The following COL25A1 variants were observed in gnomAD, a reference collection of about 807,000 sequenced individuals.
The protein encoded by COL25A1 is collagen type XXV alpha 1 chain.
COL25A1 carries 103 observed loss-of-function variants against 128.4 expected under a neutral mutation model. That is an observed-to-expected ratio of 0.80 (90% CI 0.68 to 0.94). COL25A1 has a LOEUF of 0.94. COL25A1 is among the 40% of genes least tolerant of loss of function. The pLI is 0.00. For missense variants in COL25A1, 745 were observed against 840.0 expected (o/e 0.89, Z 1.40); for synonymous variants, 279 against 277.2 (o/e 1.01, Z -0.06).
At position 108,845,175 on chromosome 4, in the gene COL25A1, C is replaced by T. The variant is rs1195881818; in HGVS notation, c.1578+14G>A. ...GGTTCAGGAACAATGGAAGTTCAGCCACCATGGACTTACAGAAGGACCCTG... is the reference window on the plus strand; with the variant it reads ...GGTTCAGGAACAATGGAAGTTCAGCTACCATGGACTTACAGAAGGACCCTG... On this transcript the variant is annotated intron_variant, in intron 29 of 37. Transcript: ENST00000399132. The T allele has an allele frequency of 7.5e-6, 12 of 1,610,328 alleles. No individual in the cohort carries two copies. The highest frequency in any genetic ancestry group is 1.3e-5 in the African/African-American group (1 of 74,844).
chr4:108,900,692 T>C (rs767667403), intron 14 of COL25A1, among the ~76,000 whole-genome samples: 40 of 152,138 alleles, frequency 2.6e-4, no homozygotes, highest in African/African-American at 7.7e-4. Flanking sequence ...ACTGGTTATG[T>C]TGTGTAAGAG....
chr4:109,039,887 C>G lies in COL25A1; in HGVS notation c.420+8281G>C, dbSNP rs527412785. On this transcript the variant is annotated intron_variant, in intron 5 of 37. Transcript: ENST00000399132. The stretch of plus-strand genomic sequence containing the variant: ...ATCCTTTTTTCTTTCCTTGACCATA[C>G]AGAAATACCTTCCTTCAAAATTAAG... 2.6e-5 allele frequency among the ~76,000 whole-genome samples: 4 copies of G among 152,202 alleles called. No individual in the cohort carries two copies. In the East Asian group the frequency reaches 7.7e-4, roughly 29 times the overall value.
chr4:108,884,112 C>T (rs1578652610), intron 19 of COL25A1, 66 bp downstream of exon 19: 2 of 1,494,086 alleles, frequency 1.3e-6, no homozygotes, highest in East Asian at 2.3e-5. Context: ...TCCCTATTTT[C>T]CTCCAATTTG....
chr4:109,117,190 G>C (rs1353580436), intron 3 of COL25A1, among the ~76,000 whole-genome samples: 1 of 151,808 alleles, frequency 6.6e-6, no homozygotes, highest in East Asian at 1.9e-4. Context: ...CTACACCTAG[G>C]TATACATATC....
chr4:108,942,088 A>G (rs1204342293), intron 8 of COL25A1: 1 of 896,566 alleles, frequency 1.1e-6, no homozygotes, highest in African/African-American at 1.7e-5. Flanking sequence ...CCAAGTGCCC[A>G]GTAACTTGAT....
At chr4:109,155,137 GAGCATAAAGCTAACCAAACTTTAC>G (rs1771907936) in intron 3 of COL25A1, among the ~76,000 whole-genome samples, 1 of 152,184 alleles carries the variant, frequency 6.6e-6, no homozygotes, top group Non-Finnish European at 1.5e-5. Flanking sequence ...CTGGTCAAGG[GAGCATAAAGCTAACCAAACTTTAC>G]AGCACTTGAG....
chr4:108,853,866 A>G (rs1023742779), intron 24 of COL25A1, among the ~76,000 whole-genome samples: 6 of 152,264 alleles, frequency 3.9e-5, no homozygotes, highest in African/African-American at 1.4e-4. Context: ...TTATGGCTGC[A>G]TAGTATTCCG....
chr4:108,992,766 G>A (rs1754344614), intron 6 of COL25A1, among the ~76,000 whole-genome samples: 1 of 152,186 alleles, frequency 6.6e-6, no homozygotes, highest in Middle Eastern at 3.4e-3. Context: ...CCTCAGAGAT[G>A]TCATTTAAAT....
intron 3 of COL25A1, among the ~76,000 whole-genome samples, chr4:109,266,118 A>C (rs932938266): frequency 6.6e-6 from 1 of 152,204 alleles, no homozygotes; most frequent in Non-Finnish European, 1.5e-5. Flanking sequence ...AACTTCTGCT[A>C]CTTAAAAGTT....
chr4:108,898,375 T>G (rs1742395101), intron 15 of COL25A1, among the ~76,000 whole-genome samples: 1 of 152,218 alleles, frequency 6.6e-6, no homozygotes, highest in Non-Finnish European at 1.5e-5. Context: ...AATACTGATT[T>G]GTCAGAAAGA....
Position 109,014,803 on chromosome 4 carries a change from G to C in COL25A1, c.421-4428C>G, listed in dbSNP as rs185036869. ...GAGGGAAAAGAGGAAGTGGTTGATA[G>C]AGACGCTTCCCAGAGAAACAAAGCA... On this transcript the variant is annotated intron_variant, in intron 5 of 37. Transcript: ENST00000399132. 1.2e-4 allele frequency among the ~76,000 whole-genome samples: 18 copies of C among 152,320 alleles called. No homozygotes were observed. In the East Asian group the frequency reaches 3.5e-3, roughly 29 times the overall value.
At chr4:109,023,440 A>T (rs1757947919) in intron 5 of COL25A1, among the ~76,000 whole-genome samples, 1 of 152,258 alleles carries the variant, frequency 6.6e-6, no homozygotes, top group South Asian at 2.1e-4. Flanking sequence ...TCTGCTGTTG[A>T]TTAAATAGTA....
chr4:109,258,771 A>G (rs1001289747), intron 3 of COL25A1, among the ~76,000 whole-genome samples: 6 of 152,160 alleles, frequency 3.9e-5, no homozygotes, highest in Non-Finnish European at 8.8e-5. Context: ...TATCTGATTA[A>G]TGTCATTAAA....
intron 5 of COL25A1, among the ~76,000 whole-genome samples, chr4:109,047,011 A>G (rs1466726916): frequency 6.6e-6 from 1 of 152,194 alleles, no homozygotes; most frequent in Non-Finnish European, 1.5e-5. Context: ...ACAGACTGGA[A>G]TGCTGCAGCT....
chr4:109,079,163 C>G (rs1763627101), intron 3 of COL25A1, among the ~76,000 whole-genome samples: 1 of 152,096 alleles, frequency 6.6e-6, no homozygotes, highest in Non-Finnish European at 1.5e-5. Context: ...TCATAATAAT[C>G]CCAAGATTCA....
intron 3 of COL25A1, among the ~76,000 whole-genome samples, chr4:109,293,636 T>C (rs1724681777): frequency 6.6e-6 from 1 of 152,074 alleles, no homozygotes; most frequent in East Asian, 1.9e-4. Context: ...ATCTAAATGA[T>C]TAACACGCAA....
At chr4:109,157,009 G>A (rs1227010387) in intron 3 of COL25A1, among the ~76,000 whole-genome samples, 3 of 152,054 alleles carry the variant, frequency 2.0e-5, no homozygotes, top group Non-Finnish European at 4.4e-5. Flanking sequence ...TTGACAAAAG[G>A]AAAAGTATCA....
At chr4:109,092,460 GC>G (rs1765000269) in intron 3 of COL25A1, among the ~76,000 whole-genome samples, 1 of 152,084 alleles carries the variant, frequency 6.6e-6, no homozygotes, top group South Asian at 2.1e-4. Context: ...CTGCATTCCC[GC>G]CTGGGTGACA....
At chr4:108,998,824 C>A (rs6533398) in intron 6 of COL25A1, among the ~76,000 whole-genome samples, 120,600 of 151,634 alleles carry the variant, frequency 0.8, 49,105 homozygotes, top group East Asian at 1. Flanking sequence ...ATCTACAACC[C>A]TCTGATCTTT....
Sources: gnomAD v4.1 joint callset for allele counts (sites outside exome capture counted in the v4.1 genomes callset) on GRCh38, gnomAD v4.1.1 for gene constraint, MANE v1.5 for transcripts, NCBI Gene and HGNC (gene_info 2026-07-23, HGNC 2026-07-21) for gene names.